SND1: variants seen among roughly 807,000 people sequenced by gnomAD.
SND1 encodes the protein staphylococcal nuclease and tudor domain containing 1, also known as staphylococcal nuclease domain-containing protein 1.
SND1 carries 38 observed loss-of-function variants against 121.7 expected under a neutral mutation model. The ratio of observed to expected loss-of-function variants is 0.31; its 90% CI spans 0.24 to 0.41. The LOEUF (loss-of-function observed/expected upper bound fraction) is 0.41, where lower values mean the gene tolerates loss of function less well. Ranked by LOEUF, SND1 falls within the 10% of genes least tolerant of loss-of-function variation. The pLI, the probability that SND1 is intolerant of heterozygous loss-of-function variation, is 1.00. For missense variants in SND1, 868 were observed against 1,184.6 expected (o/e 0.73, Z 3.92); for synonymous variants, 401 against 447.4 (o/e 0.90, Z 1.31).
chr7:127,840,473 C>T (rs1205526047), intron 11 of SND1, among the ~76,000 whole-genome samples: 2 of 152,106 alleles, frequency 1.3e-5, no homozygotes, highest in Non-Finnish European at 1.5e-5. Flanking sequence ...TACTTGCATA[C>T]AAAACATTTC....
intron 12 of SND1, 31 bp from the exon 13 acceptor site, chr7:127,887,871 A>G: frequency 1.4e-6 from 2 of 1,463,484 alleles, no homozygotes; most frequent in Non-Finnish European, 1.9e-6. Context: ...ATGCACTTCT[A>G]GTGCTCACTG....
At chr7:128,044,828 C>T (rs1446962427) in intron 16 of SND1, among the ~76,000 whole-genome samples, 1 of 152,112 alleles carries the variant, frequency 6.6e-6, no homozygotes, top group Non-Finnish European at 1.5e-5. Flanking sequence ...AAGGAACATA[C>T]TATATCTGTT....
rs369152747 is a variant in SND1, at chr7:127,783,980, C to T, written c.1153-23504C>T. 6.6e-5 allele frequency among the ~76,000 whole-genome samples: 10 copies of T among 152,248 alleles called. No homozygotes were observed. In the East Asian group the frequency reaches 1.9e-3, roughly 29 times the overall value. On this transcript the variant is annotated intron_variant, in intron 10 of 23. Transcript: ENST00000354725. ...CTTAGATATTCATGGATTAATGTTA[C>T]CACATCTAATGGATATTCCAAGGTA... is the stretch of plus-strand genomic sequence containing the variant.
intron 15 of SND1, among the ~76,000 whole-genome samples, chr7:127,988,845 GGCT>G (rs1397680747): frequency 6.6e-6 from 1 of 152,178 alleles, no homozygotes; most frequent in African/African-American, 2.4e-5. Context: ...CTGCCCAAAT[GGCT>G]GCTAAGAGTC....
At chr7:127,847,989 C>T (rs1799097630) in intron 12 of SND1, among the ~76,000 whole-genome samples, 1 of 152,134 alleles carries the variant, frequency 6.6e-6, no homozygotes. Context: ...GATTTCAGCA[C>T]CAGATCTTTC....
At chr7:127,893,239 A>T (rs1229781589) in intron 13 of SND1, among the ~76,000 whole-genome samples, 2 of 152,124 alleles carry the variant, frequency 1.3e-5, no homozygotes, top group East Asian at 3.9e-4. Flanking sequence ...TTTCGTCATC[A>T]TGCTAGATGT....
In SND1 at chr7:127,725,236, T is replaced by TA. The variant is rs142965192; in HGVS notation, c.1152+3837dup. 5.7e-3 allele frequency among the ~76,000 whole-genome samples: 875 copies of TA among 152,284 alleles called. 29 individuals carry two copies. Among genetic ancestry groups the TA allele is most frequent in the East Asian group, 0.046 (236 of 5,178 alleles). ...GTTTCATTTACTACGTACCAGCTGTTACAGTCACAAGTGGAGCCCAGTTGA... is the reference window on the plus strand; with the variant it reads ...GTTTCATTTACTACGTACCAGCTGTTAACAGTCACAAGTGGAGCCCAGTTGA... On this transcript the variant is annotated intron_variant, in intron 10 of 23. Transcript: ENST00000354725.
intron 9 of SND1, among the ~76,000 whole-genome samples, chr7:127,715,149 G>A (rs550478270): frequency 1.3e-5 from 1 of 76,570 alleles, no homozygotes; most frequent in Non-Finnish European, 2.6e-5. Flanking sequence ...TATTTTCTGG[G>A]TTTTTTTTGG....
chr7:128,077,346 A>G (rs1239495604), intron 17 of SND1, among the ~76,000 whole-genome samples: 2 of 152,240 alleles, frequency 1.3e-5, no homozygotes, highest in Non-Finnish European at 2.9e-5. Flanking sequence ...CAGGGAGAGG[A>G]GAGGAGAGAC....
At chr7:128,050,098 C>T (rs1484731051) in intron 16 of SND1, among the ~76,000 whole-genome samples, 1 of 152,148 alleles carries the variant, frequency 6.6e-6, no homozygotes, top group Admixed American at 6.5e-5. Flanking sequence ...TGCAAGCACT[C>T]GCTTACATGT....
Position 127,712,333 on chromosome 7 carries a change from A to G in SND1, c.1038+4686A>G, listed in dbSNP as rs963855812. Among the ~76,000 whole-genome samples the G allele has an allele frequency of 4.6e-5, 7 of 152,018 alleles. No individual in the cohort carries two copies. In the South Asian group the frequency reaches 1.0e-3, roughly 23 times the overall value. On this transcript the variant is annotated intron_variant, in intron 9 of 23. Coordinates refer to ENST00000354725, the MANE Select transcript of SND1 (RefSeq NM_014390.4). ...GCTAACACACCTGGCTAATTTTTAA[A>G]TTTTTTGTAGAGATGAGGTCTCCCT... is the stretch of plus-strand genomic sequence containing the variant.
At chr7:128,090,273 C>T (rs1793755381) in intron 22 of SND1, among the ~76,000 whole-genome samples, 1 of 152,228 alleles carries the variant, frequency 6.6e-6, no homozygotes, top group South Asian at 2.1e-4. Context: ...CTTCTCAGGG[C>T]TGATCGTGAC....
chr7:127,836,818 A>T (rs1247719810), intron 11 of SND1, among the ~76,000 whole-genome samples: 1 of 152,194 alleles, frequency 6.6e-6, no homozygotes, highest in Admixed American at 6.5e-5. Flanking sequence ...TTCTAGAATC[A>T]TGTTGACAAA....
At chr7:127,972,447 C>T (rs948881278) in intron 15 of SND1, among the ~76,000 whole-genome samples, 1 of 152,040 alleles carries the variant, frequency 6.6e-6, no homozygotes, top group Admixed American at 6.6e-5. Context: ...TTTATAGAGA[C>T]GGGTTTCGCC....
chr7:128,041,900 G>C (rs1041354371), intron 16 of SND1, among the ~76,000 whole-genome samples: 2 of 152,170 alleles, frequency 1.3e-5, no homozygotes, highest in Admixed American at 6.5e-5. Flanking sequence ...GTGTTCTGGG[G>C]AACCTTTCAT....
At chr7:128,019,862 CCT>C (rs1412696378) in intron 16 of SND1, among the ~76,000 whole-genome samples, 2 of 152,184 alleles carry the variant, frequency 1.3e-5, no homozygotes, top group African/African-American at 2.4e-5. Context: ...AGGGTAGACC[CCT>C]GAGTCAACCT....
At position 127,764,056 on chromosome 7, in the gene SND1, A is replaced by AAC. The variant is rs1554422861; in HGVS notation, c.1152+42657_1152+42658insCA. On this transcript the variant is annotated intron_variant, in intron 10 of 23. Transcript: ENST00000354725. Reference sequence around the variant, plus strand: ...CCTGTCGCAAAAAAAAAAAAAACAAAAAAACAAAAAAACAAAAAACCCAAG... The same window carrying AAC: ...CCTGTCGCAAAAAAAAAAAAAACAAAACAAAACAAAAAAACAAAAAACCCAAG... Among the ~76,000 whole-genome samples, 334 of 135,284 alleles carry AAC rather than the reference A, an allele frequency of 2.5e-3. 3 individuals carry two copies. Among genetic ancestry groups the AAC allele is most frequent in the Middle Eastern group, 8.1e-3 (2 of 246 alleles). 88.8% of individuals were successfully genotyped at this position (135,284 alleles called of 152,430 possible). A position where few individuals can be genotyped will look rare whatever the true frequency, so the allele number is the denominator to read the frequency against.
At chr7:127,853,873 C>T (rs1799219518) in intron 12 of SND1, among the ~76,000 whole-genome samples, 1 of 152,208 alleles carries the variant, frequency 6.6e-6, no homozygotes, top group Non-Finnish European at 1.5e-5. Context: ...TTCTGGCTGG[C>T]TGGCCATGCT....
At chr7:127,929,880 G>A (rs528962120) in intron 15 of SND1, among the ~76,000 whole-genome samples, 1 of 152,296 alleles carries the variant, frequency 6.6e-6, no homozygotes, top group East Asian at 1.9e-4. Context: ...AGGTTGACGT[G>A]CTAAGGCAAA....
Sources: allele counts gnomAD v4.1 joint callset (sites outside exome capture counted in the v4.1 genomes callset), GRCh38; gene constraint gnomAD v4.1.1; transcripts MANE v1.5; gene names NCBI Gene and HGNC (gene_info 2026-07-23, HGNC 2026-07-21).